Variants in ATG2B observed in about 807,000 individuals in gnomAD.
ATG2B encodes the protein autophagy-related protein 2 homolog B.
Under a neutral mutation model 241.3 loss-of-function variants are expected in ATG2B, and 121 were observed. That is an observed-to-expected ratio of 0.50 (90% CI 0.43 to 0.58). The LOEUF (loss-of-function observed/expected upper bound fraction) is 0.58, where lower values mean the gene tolerates loss of function less well. Among genes scored for constraint, ATG2B ranks in the 20% least tolerant of loss-of-function variants. The probability of loss-of-function intolerance (pLI) is 0.00; values close to 1 mark genes in which losing one functional copy is unlikely to be tolerated. For synonymous variants in ATG2B, 858 were observed against 876.6 expected (o/e 0.98, Z 0.37); for missense variants, 2,306 against 2,491.6 (o/e 0.93, Z 1.59).
intron 22 of ATG2B, 46 bp from the exon 23 acceptor site, chr14:96,315,280 C>T (rs1887276852): frequency 6.3e-7 from 1 of 1,588,124 alleles, no homozygotes; most frequent in Non-Finnish European, 8.6e-7. Flanking sequence ...CTATGTAATC[C>T]TATAACTCAA....
intron 41 of ATG2B, among the ~76,000 whole-genome samples, chr14:96,288,553 T>A (rs1476223185): frequency 6.6e-6 from 1 of 152,170 alleles, no homozygotes; most frequent in Non-Finnish European, 1.5e-5. Flanking sequence ...GGTCTTACCT[T>A]TATTTATCCA....
intron 34 of ATG2B, among the ~76,000 whole-genome samples, chr14:96,299,908 A>G (rs1045837548): frequency 4.6e-5 from 7 of 152,248 alleles, no homozygotes; most frequent in African/African-American, 1.7e-4. Context: ...TTTCACAAGA[A>G]AAAATAAACA....
In ATG2B at chr14:96,292,097, C is replaced by A; in HGVS notation, c.5428G>T (p.Glu1810Ter). Residue 1810 changes from glutamate (E) to a stop codon, truncating the protein, a stop_gained and splice_region_variant, in exon 37 of 42, where the codon GAA (glutamate) becomes TAA (stop). Coordinates refer to ENST00000359933, the MANE Select transcript of ATG2B (RefSeq NM_018036.7). LOFTEE classifies it high-confidence loss of function. The part of the protein sequence containing the change: ...SFRDQPVFFR[E>*]FRFTSEVPIR... ...GGAACTTCTGACGTGAATCTAAATTCTCTGAAGATAAAGGAAGGAGGGAGT... is the reference window on the plus strand; with the variant it reads ...GGAACTTCTGACGTGAATCTAAATTATCTGAAGATAAAGGAAGGAGGGAGT... 6.3e-7 allele frequency: 1 copy of A among 1,582,336 alleles called. No homozygotes were observed.
chr14:96,347,375 A>T lies in ATG2B; in HGVS notation c.163-34T>A, dbSNP rs774038324. Reference sequence around the variant, plus strand: ...AAAAAACAGGTTCATTATGAATCACAAGAACAAGAACACAAAGTTGTGAAC... The same window carrying T: ...AAAAAACAGGTTCATTATGAATCACTAGAACAAGAACACAAAGTTGTGAAC... On this transcript the variant is annotated intron_variant, in intron 1 of 41. Transcript: ENST00000359933. The T allele has an allele frequency of 2.7e-6, 4 of 1,498,152 alleles. No individual in the cohort carries two copies. In the Admixed American group the frequency reaches 7.2e-5, roughly 27 times the overall value. 92.8% of individuals were successfully genotyped at this position (1,498,152 alleles called of 1,614,324 possible).
intron 36 of ATG2B, among the ~76,000 whole-genome samples, chr14:96,294,570 C>G (rs1439588320): frequency 6.6e-6 from 1 of 152,088 alleles, no homozygotes; most frequent in East Asian, 1.9e-4. Flanking sequence ...GGTAGAAAAT[C>G]CCCACAAGGG....
At chr14:96,314,025 C>T (rs1887235985) in intron 23 of ATG2B, among the ~76,000 whole-genome samples, 1 of 152,084 alleles carries the variant, frequency 6.6e-6, no homozygotes, top group African/African-American at 2.4e-5. Flanking sequence ...AGTCTAAAAA[C>T]CAGTCCCTCT....
At chr14:96,309,639 A>G in intron 28 of ATG2B, 45 bp from the exon 29 acceptor site, 1 of 1,551,800 alleles carries the variant, frequency 6.4e-7, no homozygotes, top group Non-Finnish European at 8.8e-7. Context: ...AATGCTCTTA[A>G]AAACCAAACT....
chr14:96,287,226 C>G (rs1214695405), intron 41 of ATG2B, among the ~76,000 whole-genome samples: 1 of 121,800 alleles, frequency 8.2e-6, no homozygotes, highest in African/African-American at 3.3e-5. Flanking sequence ...TGCACTCCAG[C>G]CTGGGCAACA....
Position 96,322,192 on chromosome 14 carries a change from A to T in ATG2B, c.2799T>A (p.Ser933=). The T allele has an allele frequency of 1.9e-6, 3 of 1,593,758 alleles. No homozygotes were observed. The highest frequency in any genetic ancestry group is 2.6e-6 in the Non-Finnish European group (3 of 1,173,786). Residue 933 remains serine, a synonymous_variant, in exon 18 of 42, where the codon TCT becomes TCA. Transcript: ENST00000359933. The part of the protein sequence containing the change: ...TEFQDKAISN[S]HYVLELTLPN... ...GTAACGTAAGTTCCAGCACATAGTG[A>T]GAATTGCTGATTGCTTTATCCTGAA...
At chr14:96,337,104 C>A (rs958204298) in intron 6 of ATG2B, among the ~76,000 whole-genome samples, 27 of 152,176 alleles carry the variant, frequency 1.8e-4, no homozygotes, top group African/African-American at 6.3e-4. Flanking sequence ...AATTTCCATA[C>A]CCCTTACTGT....
chr14:96,279,802 T>C lies in ATG2B; in HGVS notation c.*5953A>G, dbSNP rs896076155. 1.3e-5 allele frequency: 2 copies of C among 152,070 alleles called. No homozygotes were observed. The highest frequency in any genetic ancestry group is 2.9e-5 in the Non-Finnish European group (2 of 68,056). 9.4% of individuals were successfully genotyped at this position (152,070 alleles called of 1,614,324 possible). On this transcript the variant is annotated 3_prime_UTR_variant, in exon 42 of 42. Coordinates refer to ENST00000359933, the MANE Select transcript of ATG2B (RefSeq NM_018036.7). ...GGGATTTTTGTCATATTTGGCATAT[T>C]TGGCCATGTCTGGAGACGTCTTTGG...
At position 96,325,856 on chromosome 14, in the gene ATG2B, G is replaced by T; in HGVS notation, c.2230C>A (p.Gln744Lys). 1 of 1,613,870 alleles carries T rather than the reference G, an allele frequency of 6.2e-7. No individual in the cohort carries two copies. Among genetic ancestry groups the T allele is most frequent in the East Asian group, 2.2e-5 (1 of 44,856 alleles). The change falls in exon 15 of 42, where the codon CAA (glutamine) becomes AAA (lysine). Residue 744 changes from glutamine to lysine, a missense_variant. Physicochemically the swap from Gln to Lys is moderately conservative, Grantham distance 53. Coordinates refer to ENST00000359933, the MANE Select transcript of ATG2B (RefSeq NM_018036.7). ...HSPANCRISV[Q>K]VATPALNLSV... ...AGGTTTAATGCTGGTGTGGCAACTTGTACTGATATCCGACAATTTGCAGGA... is the reference window on the plus strand; with the variant it reads ...AGGTTTAATGCTGGTGTGGCAACTTTTACTGATATCCGACAATTTGCAGGA...
At chr14:96,325,272 G>A (rs1020413357) in intron 15 of ATG2B, among the ~76,000 whole-genome samples, 1 of 151,940 alleles carries the variant, frequency 6.6e-6, no homozygotes, top group African/African-American at 2.4e-5. Flanking sequence ...TGATTATGAT[G>A]ACTAAAAAAA....
Position 96,291,677 on chromosome 14 carries a change from C to G in ATG2B, c.5502G>C (p.Thr1834=). The change falls in exon 38 of 42, where the codon ACG becomes ACC. Residue 1834 remains threonine, a synonymous_variant. Coordinates refer to ENST00000359933, the MANE Select transcript of ATG2B (RefSeq NM_018036.7). ...CCAGACCAATCAAAATCCCAGCTAGCGTACCCTTCAAAATTAAAAAAGGCC... is the reference window on the plus strand; with the variant it reads ...CCAGACCAATCAAAATCCCAGCTAGGGTACCCTTCAAAATTAAAAAAGGCC... ...HGKHVSMDQG[T]LAGILIGLAQ... 6.2e-7 allele frequency: 1 copy of G among 1,603,072 alleles called. No individual in the cohort carries two copies. Among genetic ancestry groups the G allele is most frequent in the Non-Finnish European group, 8.5e-7 (1 of 1,173,068 alleles).
chr14:96,345,479 ATCTT>A, intron 2 of ATG2B, 94 bp from the exon 3 acceptor site: 6 of 948,452 alleles, frequency 6.3e-6, no homozygotes, highest in Non-Finnish European at 7.3e-6. Context: ...CAAATTCTTA[ATCTT>A]TTAAGAGATT....
chr14:96,339,416 G>A (rs991750803), intron 6 of ATG2B, among the ~76,000 whole-genome samples: 3 of 151,070 alleles, frequency 2.0e-5, no homozygotes, highest in Non-Finnish European at 4.4e-5. Flanking sequence ...TGTGGTGCGT[G>A]TATATATATA....
chr14:96,292,675 T>A (rs1432921033), intron 36 of ATG2B, among the ~76,000 whole-genome samples: 1 of 152,230 alleles, frequency 6.6e-6, no homozygotes, highest in African/African-American at 2.4e-5. Flanking sequence ...ATTGTTAAAA[T>A]GCCACCTACA....
At chr14:96,355,847 A>G (rs931585300) in intron 1 of ATG2B, among the ~76,000 whole-genome samples, 2 of 152,198 alleles carry the variant, frequency 1.3e-5, no homozygotes, top group African/African-American at 4.8e-5. Context: ...AGGCATCAGA[A>G]TTCAAATCGA....
intron 18 of ATG2B, among the ~76,000 whole-genome samples, chr14:96,321,122 C>G (rs992350556): frequency 6.6e-6 from 1 of 152,006 alleles, no homozygotes; most frequent in Non-Finnish European, 1.5e-5. Flanking sequence ...TAGAAGAATC[C>G]TGGAACTTAA....
Sources: allele counts gnomAD v4.1 joint callset (sites outside exome capture counted in the v4.1 genomes callset), GRCh38; gene constraint gnomAD v4.1.1; transcripts MANE v1.5; gene names NCBI Gene and HGNC (gene_info 2026-07-23, HGNC 2026-07-21).